The following TCEANC2 variants were observed in gnomAD, a reference collection of about 807,000 sequenced individuals.
The protein encoded by TCEANC2 is transcription elongation factor A N-terminal and central domain containing 2.
A neutral mutation model predicts 22.8 loss-of-function variants in TCEANC2; 20 were observed. The observed-to-expected ratio is 0.88, with a 90% CI of 0.62 to 1.28. TCEANC2 has a LOEUF of 1.28. Ranked by LOEUF, TCEANC2 falls within the 50% of genes most tolerant of loss-of-function variation. The pLI is 0.00. For missense variants in TCEANC2, 251 were observed against 249.7 expected, an observed-to-expected ratio of 1.01 and a Z score of -0.03; for synonymous variants, 84 against 95.5, an observed-to-expected ratio of 0.88 and a Z score of 0.70.
intron 2 of TCEANC2, among the ~76,000 whole-genome samples, chr1:54,062,227 T>C (rs1183522609): frequency 6.6e-6 from 1 of 152,206 alleles, no homozygotes; most frequent in African/African-American, 2.4e-5. Flanking sequence ...AACCAGATGG[T>C]ATATTGGAAA....
At chr1:54,086,662 T>C (rs1658345440) in intron 3 of TCEANC2, among the ~76,000 whole-genome samples, 1 of 152,206 alleles carries the variant, frequency 6.6e-6, no homozygotes, top group South Asian at 2.1e-4. Context: ...AAGGGACTTT[T>C]ATGAAAAGGT....
intron 3 of TCEANC2, among the ~76,000 whole-genome samples, chr1:54,076,566 G>A (rs1658146408): frequency 6.6e-6 from 1 of 152,118 alleles, no homozygotes; most frequent in South Asian, 2.1e-4. Flanking sequence ...CAGTGAAGGT[G>A]GGTATCTTCT....
chr1:54,085,808 A>C (rs1658328946), intron 3 of TCEANC2, among the ~76,000 whole-genome samples: 1 of 152,078 alleles, frequency 6.6e-6, no homozygotes, highest in Admixed American at 6.5e-5. Context: ...ATCACAGCTC[A>C]CTATAGCCTT....
At position 54,103,056 on chromosome 1, in the gene TCEANC2, A is replaced by C. The variant is rs917919048; in HGVS notation, c.*6583A>C. 1 of 152,328 alleles carries C rather than the reference A, an allele frequency of 6.6e-6. No homozygotes were observed. The highest frequency in any genetic ancestry group is 1.5e-5 in the Non-Finnish European group (1 of 68,086). The allele number at this position is 152,328 out of a possible 1,614,324, so 9.4% of individuals were successfully genotyped here. On this transcript the variant is annotated 3_prime_UTR_variant, in exon 5 of 5. Coordinates refer to ENST00000234827, the MANE Select transcript of TCEANC2 (RefSeq NM_153035.3). ...GTGGTGGAGGCATGTAGTTGGACCT[A>C]TAGGAGTGGGCACCAAGTGTGAAGA...
At chr1:54,061,226 C>A (rs1181087) in intron 2 of TCEANC2, among the ~76,000 whole-genome samples, 28 of 152,308 alleles carry the variant, frequency 1.8e-4, no homozygotes, top group Non-Finnish European at 3.5e-4. Flanking sequence ...TGCCAAGTGA[C>A]TTCCAAACAT....
downstream of TCEANC2, among the ~76,000 whole-genome samples, chr1:54,110,462 G>A (rs1453059665): frequency 1.3e-5 from 2 of 152,036 alleles, no homozygotes; most frequent in Non-Finnish European, 2.9e-5. Flanking sequence ...AAAATAGCCA[G>A]ATGTGGTGGC....
Position 54,068,793 on chromosome 1 carries a change from C to A in TCEANC2, c.140C>A (p.Thr47Asn), listed in dbSNP as rs150639315. 8.7e-4 allele frequency: 1,406 copies of A among 1,609,344 alleles called. 13 individuals are homozygous for A. The highest frequency in any genetic ancestry group is 4.2e-3 in the Middle Eastern group (25 of 6,004). ...VVVEDIKRWKTMLELPDQTKE... is the reference protein window; with the variant it reads ...VVVEDIKRWKNMLELPDQTKE... ...GTAGAAGACATAAAAAGATGGAAAA[C>A]TATGCTGGAGCTTCCTGATCAAACC... The change falls in exon 3 of 5, where the codon ACT (threonine) becomes AAT (asparagine). Residue 47 changes from threonine (T) to asparagine (N), a missense_variant. Physicochemically the swap from Thr to Asn is moderately conservative, Grantham distance 65 (BLOSUM62 0). Coordinates refer to ENST00000234827, the MANE Select transcript of TCEANC2 (RefSeq NM_153035.3).
intron 2 of TCEANC2, among the ~76,000 whole-genome samples, chr1:54,066,045 T>C (rs1383942176): frequency 1.3e-5 from 2 of 151,476 alleles, no homozygotes; most frequent in East Asian, 1.9e-4. Context: ...ATTGTGCCAT[T>C]GCACTCCAGC....
chr1:54,076,039 A>G (rs1011492953), intron 3 of TCEANC2, among the ~76,000 whole-genome samples: 7 of 151,908 alleles, frequency 4.6e-5, no homozygotes, highest in Non-Finnish European at 1.0e-4. Context: ...AAAAAAAAAA[A>G]AAGAAGAAGA....
chr1:54,107,027 A>G (rs1658770322), downstream of TCEANC2, among the ~76,000 whole-genome samples: 1 of 152,162 alleles, frequency 6.6e-6, no homozygotes, highest in Non-Finnish European at 1.5e-5. Context: ...GTATACTACT[A>G]TTACTAAACT....
At chr1:54,057,628 C>T (rs771471088) in intron 2 of TCEANC2, among the ~76,000 whole-genome samples, 3 of 152,164 alleles carry the variant, frequency 2.0e-5, no homozygotes, top group East Asian at 1.9e-4. Context: ...TTTGACATCC[C>T]GCATTCACCT....
chr1:54,108,114 G>A (rs1019463056), downstream of TCEANC2, among the ~76,000 whole-genome samples: 2 of 152,076 alleles, frequency 1.3e-5, no homozygotes, highest in African/African-American at 4.8e-5. Flanking sequence ...AACCCCAAAG[G>A]GTTCGCCTTC....
intron 3 of TCEANC2, among the ~76,000 whole-genome samples, chr1:54,076,220 T>G (rs1041488195): frequency 6.6e-6 from 1 of 152,186 alleles, no homozygotes; most frequent in Non-Finnish European, 1.5e-5. Flanking sequence ...TAGTACCCAA[T>G]AGTTGTGTTT....
Position 54,101,943 on chromosome 1 carries a change from T to C in TCEANC2, c.*5470T>C, listed in dbSNP as rs1658670638. The C allele has an allele frequency of 6.6e-6, 1 of 152,232 alleles. No individual in the cohort carries two copies. Among genetic ancestry groups the C allele is most frequent in the African/African-American group, 2.4e-5 (1 of 41,458 alleles). The allele number at this position is 152,232 out of a possible 1,614,324, so 9.4% of individuals were successfully genotyped here. A position where few individuals can be genotyped will look rare whatever the true frequency, so the allele number is the denominator to read the frequency against. ...AGTCACTTTGCCTTGCCCAGACCAT[T>C]TTTGAAAACACAAATGGGCAGGGTG... On this transcript the variant is annotated 3_prime_UTR_variant, in exon 5 of 5. Coordinates refer to ENST00000234827, the MANE Select transcript of TCEANC2 (RefSeq NM_153035.3).
intron 3 of TCEANC2, among the ~76,000 whole-genome samples, chr1:54,079,265 T>C (rs1017864585): frequency 1.3e-5 from 2 of 152,116 alleles, no homozygotes; most frequent in Non-Finnish European, 2.9e-5. Flanking sequence ...TTGTTTGATC[T>C]ATATAACAGC....
Position 54,096,447 on chromosome 1 carries a change from A to AGT in TCEANC2, c.601_602insGT (p.Thr201SerfsTer38), listed in dbSNP as rs1419261555. 1 of 1,609,228 alleles carries AGT rather than the reference A, an allele frequency of 6.2e-7. No homozygotes were observed. The highest frequency in any genetic ancestry group is 1.1e-5 in the South Asian group (1 of 90,988). ...GAAGAGCGGCTCGCTGCCAGTCGGCACGTTTGTACAGACCCACAAAAAGTG... is the reference window on the plus strand; with the variant it reads ...GAAGAGCGGCTCGCTGCCAGTCGGCAGTCGTTTGTACAGACCCACAAAAAGTG... On this transcript the variant is annotated frameshift_variant, in exon 5 of 5. Coordinates refer to ENST00000234827, the MANE Select transcript of TCEANC2 (RefSeq NM_153035.3). LOFTEE classifies it high-confidence loss of function. This position sits in a 1 kb window ranked among gnomAD's most constrained non-coding sequence, Gnocchi z 4.9.
downstream of TCEANC2, among the ~76,000 whole-genome samples, chr1:54,108,903 C>CG (rs1658799410): frequency 6.6e-6 from 1 of 151,922 alleles, no homozygotes; most frequent in African/African-American, 2.4e-5. Flanking sequence ...ACCCGGGTGG[C>CG]GGGGCTTGCA....
chr1:54,079,809 C>T (rs1260446632), intron 3 of TCEANC2, among the ~76,000 whole-genome samples: 2 of 152,102 alleles, frequency 1.3e-5, no homozygotes, highest in South Asian at 2.1e-4. Context: ...TTATTGGGGA[C>T]CATTGTTGTG....
intron 2 of TCEANC2, among the ~76,000 whole-genome samples, chr1:54,061,494 T>C (rs1465822450): frequency 6.6e-6 from 1 of 152,222 alleles, no homozygotes; most frequent in Admixed American, 6.5e-5. Flanking sequence ...TAATAAGGAT[T>C]ACTACTAACA....
Sources: allele counts gnomAD v4.1 joint callset (sites outside exome capture counted in the v4.1 genomes callset), GRCh38; gene constraint gnomAD v4.1.1; non-coding constraint Gnocchi (gnomAD v3.1); transcripts MANE v1.5; gene names NCBI Gene and HGNC (gene_info 2026-07-23, HGNC 2026-07-21).